NCAM2: variants seen among roughly 807,000 people sequenced by gnomAD.
NCAM2 encodes the protein N-CAM-2.
In NCAM2, 30 loss-of-function variants were observed where a neutral mutation model predicts 98.1. The observed-to-expected ratio is 0.31, with a 90% confidence interval of 0.23 to 0.41. The LOEUF (loss-of-function observed/expected upper bound fraction) is 0.41. Among genes scored for constraint, NCAM2 ranks in the 10% least tolerant of loss-of-function variants. The probability of loss-of-function intolerance (pLI) is 1.00; values close to 1 mark genes in which losing one functional copy is unlikely to be tolerated. For synonymous variants in NCAM2, 368 were observed against 342.4 expected (o/e 1.07, Z -0.83); for missense variants, 867 against 1,005.8 (o/e 0.86, Z 1.87).
At chr21:21,031,894 A>G (rs2064692687) in intron 1 of NCAM2, among the ~76,000 whole-genome samples, 1 of 152,024 alleles carries the variant, frequency 6.6e-6, no homozygotes, top group Non-Finnish European at 1.5e-5. Flanking sequence ...GTTTTATATT[A>G]TTTCTGTGAC....
intron 1 of NCAM2, among the ~76,000 whole-genome samples, chr21:21,048,089 GA>G (rs2047855210): frequency 6.6e-6 from 1 of 151,888 alleles, no homozygotes; most frequent in African/African-American, 2.4e-5. Flanking sequence ...CCAAATCCAG[GA>G]GATAAATCAA....
At chr21:21,466,918 A>T (rs1983756992) in intron 13 of NCAM2, among the ~76,000 whole-genome samples, 193 bp downstream of exon 13, 1 of 152,028 alleles carries the variant, frequency 6.6e-6, no homozygotes, top group Non-Finnish European at 1.5e-5. Context: ...GCAAGGCAGA[A>T]AAAAAAGAGT....
chr21:21,367,840 A>G (rs949353891), intron 8 of NCAM2, among the ~76,000 whole-genome samples: 4 of 151,904 alleles, frequency 2.6e-5, no homozygotes, highest in Non-Finnish European at 4.4e-5. Flanking sequence ...TATAGGTGCC[A>G]CAGCCAGGAT....
intron 1 of NCAM2, among the ~76,000 whole-genome samples, chr21:21,253,325 T>G (rs753608528): frequency 4.6e-5 from 7 of 152,226 alleles, no homozygotes; most frequent in Non-Finnish European, 1.0e-4. Context: ...AGTTCCTCAG[T>G]AAGCACTACT....
chr21:21,032,827 A>G lies in NCAM2; in HGVS notation c.55+34209A>G, dbSNP rs192480757. Among the ~76,000 whole-genome samples the G allele has an allele frequency of 1.7e-3, 261 of 152,284 alleles. 2 individuals are homozygous for G. Among genetic ancestry groups the G allele is most frequent in the African/African-American group, 6.0e-3 (249 of 41,562 alleles). On this transcript the variant is annotated intron_variant, in intron 1 of 17. Transcript: ENST00000400546. ...TCATCAGTATTTTTGTGTGACCTGA[A>G]TCCCTCATTTTCATAAAATGTATTT...
At chr21:21,487,369 A>C (rs533257001) in intron 15 of NCAM2, among the ~76,000 whole-genome samples, 2 of 151,856 alleles carry the variant, frequency 1.3e-5, no homozygotes, top group Non-Finnish European at 2.9e-5. Context: ...TATTTTAAGT[A>C]TCTTCCTAGT....
intron 1 of NCAM2, among the ~76,000 whole-genome samples, chr21:21,206,034 CA>C (rs750494954): frequency 1.2e-3 from 186 of 152,224 alleles, no homozygotes; most frequent in Admixed American, 2.4e-3. Context: ...CCCAAACATT[CA>C]GATTGTAGCA....
chr21:21,208,836 A>G (rs992135648), intron 1 of NCAM2, among the ~76,000 whole-genome samples: 2 of 152,182 alleles, frequency 1.3e-5, no homozygotes, highest in Admixed American at 1.3e-4. Flanking sequence ...GTAAGTTTTT[A>G]GATTCAACCT....
At chr21:21,110,797 C>A (rs539928055) in intron 1 of NCAM2, among the ~76,000 whole-genome samples, 1 of 151,806 alleles carries the variant, frequency 6.6e-6, no homozygotes, top group Admixed American at 6.6e-5. Flanking sequence ...TACCACTTAT[C>A]GAGGAACTGA....
At chr21:21,017,293 G>C (rs1318047136) in intron 1 of NCAM2, among the ~76,000 whole-genome samples, 1 of 151,864 alleles carries the variant, frequency 6.6e-6, no homozygotes, top group Non-Finnish European at 1.5e-5. Flanking sequence ...GGGCGTGGTG[G>C]TACATGCCTG....
At chr21:21,258,090 A>C (rs1032593276) in intron 1 of NCAM2, among the ~76,000 whole-genome samples, 1 of 152,248 alleles carries the variant, frequency 6.6e-6, no homozygotes, top group African/African-American at 2.4e-5. Context: ...AGTTCAGGAC[A>C]GATTCACACA....
intron 5 of NCAM2, among the ~76,000 whole-genome samples, chr21:21,322,651 G>T (rs2147787377): frequency 6.6e-6 from 1 of 152,222 alleles, no homozygotes; most frequent in African/African-American, 2.4e-5. Flanking sequence ...AAATAAATTT[G>T]AAGGAATTAG....
intron 1 of NCAM2, among the ~76,000 whole-genome samples, chr21:21,097,898 C>A (rs1171634424): frequency 3.9e-5 from 1 of 25,508 alleles, no homozygotes; most frequent in African/African-American, 6.2e-5. Flanking sequence ...CAAATAGGAA[C>A]CCCAGTTCTG....
At chr21:21,064,921 T>A (rs1214498427) in intron 1 of NCAM2, among the ~76,000 whole-genome samples, 1 of 152,176 alleles carries the variant, frequency 6.6e-6, no homozygotes, top group Non-Finnish European at 1.5e-5. Context: ...GGCTCACACC[T>A]GTAATCCCAG....
chr21:21,356,089 G>T (rs1326740156), intron 8 of NCAM2, among the ~76,000 whole-genome samples: 4 of 152,020 alleles, frequency 2.6e-5, no homozygotes, highest in African/African-American at 9.7e-5. Flanking sequence ...AAAATATTTT[G>T]CAGACTAAAG....
intron 1 of NCAM2, among the ~76,000 whole-genome samples, chr21:21,222,607 G>A (rs1054505926): frequency 3.3e-5 from 5 of 152,104 alleles, no homozygotes; most frequent in East Asian, 3.9e-4. Context: ...GGAGCATGAC[G>A]ATGTGACATA....
chr21:21,027,856 A>C (rs1460422896), intron 1 of NCAM2, among the ~76,000 whole-genome samples: 2 of 150,468 alleles, frequency 1.3e-5, no homozygotes, highest in East Asian at 1.9e-4. Flanking sequence ...ATTGTTTCTT[A>C]AGTTTTTTTT....
rs548186170 is a variant in NCAM2 at position 21,119,298 on chromosome 21, A to T, written c.55+120680A>T. ...TGCTTGTTTTCAGCCCAAGGGTACT[A>T]ATTTCATATCTTGTTTCTTAAATTA... On this transcript the variant is annotated intron_variant, in intron 1 of 17. Coordinates refer to ENST00000400546, the MANE Select transcript of NCAM2 (RefSeq NM_004540.5). 2.6e-5 allele frequency among the ~76,000 whole-genome samples: 4 copies of T among 152,276 alleles called. No homozygotes were observed. In the East Asian group the frequency reaches 7.7e-4, roughly 29 times the overall value.
intron 1 of NCAM2, among the ~76,000 whole-genome samples, chr21:21,255,107 C>T (rs56692595): frequency 6.6e-6 from 1 of 152,190 alleles, no homozygotes; most frequent in East Asian, 1.9e-4. Flanking sequence ...TTGGGAAGGG[C>T]ACAGGTTAAA....
Sources: gnomAD v4.1 joint callset for allele counts (sites outside exome capture counted in the v4.1 genomes callset) on GRCh38, gnomAD v4.1.1 for gene constraint, MANE v1.5 for transcripts, NCBI Gene and HGNC (gene_info 2026-07-23, HGNC 2026-07-21) for gene names.